Variants in TMEM163 observed in about 807,000 individuals in gnomAD.
TMEM163 encodes transmembrane protein 163.
In TMEM163, 17 loss-of-function variants were observed where a neutral mutation model predicts 29.3. The observed-to-expected ratio is 0.58, with a 90% confidence interval of 0.40 to 0.87. The LOEUF is 0.87. Among genes scored for constraint, TMEM163 ranks in the 40% least tolerant of loss-of-function variants. TMEM163 has a pLI of 0.00. For missense variants in TMEM163, 303 were observed against 381.5 expected (o/e 0.79, Z 1.71); for synonymous variants, 157 against 160.6 (o/e 0.98, Z 0.17).
intron 2 of TMEM163, among the ~76,000 whole-genome samples, chr2:134,622,951 G>A (rs1682773782): frequency 6.6e-6 from 1 of 151,958 alleles, no homozygotes; most frequent in Non-Finnish European, 1.5e-5. Context: ...TTTCAGTAGA[G>A]GTGGGATTTC....
chr2:134,674,293 C>G (rs1684056850), intron 2 of TMEM163, among the ~76,000 whole-genome samples: 1 of 151,086 alleles, frequency 6.6e-6, no homozygotes, highest in South Asian at 2.1e-4. Flanking sequence ...ACACTCATCT[C>G]TGGAGGGTAG....
At chr2:134,559,638 T>C (rs1681123071) in intron 2 of TMEM163, among the ~76,000 whole-genome samples, 1 of 152,106 alleles carries the variant, frequency 6.6e-6, no homozygotes. Flanking sequence ...GGGATGATCA[T>C]GGGTCTCTCT....
At chr2:134,523,868 T>A (rs1680237765) in intron 4 of TMEM163, among the ~76,000 whole-genome samples, 1 of 152,212 alleles carries the variant, frequency 6.6e-6, no homozygotes, top group African/African-American at 2.4e-5. Context: ...AGGGGATACT[T>A]GGCACTTTCT....
intron 2 of TMEM163, among the ~76,000 whole-genome samples, chr2:134,670,603 C>G (rs1271684606): frequency 1.3e-5 from 2 of 152,218 alleles, no homozygotes; most frequent in Non-Finnish European, 2.9e-5. Context: ...ATCAAATTCA[C>G]TGAGAGCTGC....
chr2:134,701,191 TAGAA>T (rs1684695769), intron 2 of TMEM163, among the ~76,000 whole-genome samples: 1 of 151,036 alleles, frequency 6.6e-6, no homozygotes, highest in South Asian at 2.1e-4. Flanking sequence ...CCATAAAAAT[TAGAA>T]AGAAATCAGA....
At chr2:134,561,270 C>CT (rs1681175075) in intron 2 of TMEM163, among the ~76,000 whole-genome samples, 2 of 152,246 alleles carry the variant, frequency 1.3e-5, no homozygotes, top group Non-Finnish European at 2.9e-5. Flanking sequence ...GTGACGCCAT[C>CT]TTGGCTCACT....
intron 4 of TMEM163, among the ~76,000 whole-genome samples, chr2:134,546,832 A>G (rs1476519955): frequency 6.6e-6 from 1 of 152,106 alleles, no homozygotes; most frequent in African/African-American, 2.4e-5. Context: ...AATAAAATAA[A>G]TAAAAAAGAT....
chr2:134,566,489 G>A (rs1446611593), intron 2 of TMEM163, among the ~76,000 whole-genome samples: 1 of 152,116 alleles, frequency 6.6e-6, no homozygotes, highest in East Asian at 1.9e-4. Flanking sequence ...CTTGAACCAG[G>A]GAGGTGGAGC....
intron 2 of TMEM163, among the ~76,000 whole-genome samples, chr2:134,592,596 C>T (rs1182958609): frequency 6.6e-6 from 1 of 151,982 alleles, no homozygotes; most frequent in African/African-American, 2.4e-5. Context: ...TATAACAAGG[C>T]GTGTGCTCCC....
intron 4 of TMEM163, among the ~76,000 whole-genome samples, chr2:134,507,874 GACAC>G (rs912058277): frequency 3.3e-5 from 5 of 149,800 alleles, no homozygotes; most frequent in African/African-American, 9.8e-5. Flanking sequence ...CACACACACA[GACAC>G]ACACACACAC....
intron 4 of TMEM163, among the ~76,000 whole-genome samples, chr2:134,508,074 T>G (rs906353352): frequency 2.6e-5 from 4 of 152,226 alleles, no homozygotes; most frequent in African/African-American, 9.7e-5. Context: ...CAAAACCTAC[T>G]GACAGACACT....
intron 4 of TMEM163, among the ~76,000 whole-genome samples, chr2:134,525,585 T>C (rs980441305): frequency 4.6e-5 from 7 of 152,188 alleles, no homozygotes; most frequent in African/African-American, 1.4e-4. Context: ...CCTAATGAAG[T>C]AGACATTTTG....
At chr2:134,622,930 A>ATTTTT (rs1335399355) in intron 2 of TMEM163, among the ~76,000 whole-genome samples, 2 of 151,978 alleles carry the variant, frequency 1.3e-5, no homozygotes, top group Non-Finnish European at 2.9e-5. Context: ...ACCCAGCTAA[A>ATTTTT]TTTTTTGTAT....
rs527506053 is a variant in TMEM163, at chr2:134,563,710, G to C, written c.323-11619C>G. On this transcript the variant is annotated intron_variant, in intron 2 of 7. Coordinates refer to ENST00000281924, the MANE Select transcript of TMEM163 (RefSeq NM_030923.5). The stretch of plus-strand genomic sequence containing the variant: ...ATTAAAATCCTAGCAGGTGGTGACA[G>C]AATTGATAAGATGAAGCCAGAGTTC... Among the ~76,000 whole-genome samples, 6 of 152,326 alleles carry C rather than the reference G, an allele frequency of 3.9e-5. No individual in the cohort carries two copies. The South Asian group carries it at 1.2e-3, about 32-fold the overall frequency.
chr2:134,683,680 A>G (rs1344236485), intron 2 of TMEM163, among the ~76,000 whole-genome samples: 1 of 152,200 alleles, frequency 6.6e-6, no homozygotes, highest in African/African-American at 2.4e-5. Context: ...TGTCTCCACC[A>G]CAGACCCTGG....
At chr2:134,667,340 C>G (rs1683891747) in intron 2 of TMEM163, among the ~76,000 whole-genome samples, 1 of 152,238 alleles carries the variant, frequency 6.6e-6, no homozygotes, top group African/African-American at 2.4e-5. Flanking sequence ...CCAATGGGAT[C>G]TGAGTGCAAA....
intron 5 of TMEM163, among the ~76,000 whole-genome samples, chr2:134,484,723 C>T (rs142677481): frequency 6.6e-6 from 1 of 152,156 alleles, no homozygotes; most frequent in Non-Finnish European, 1.5e-5. Context: ...AATGTTAAAT[C>T]TTGATCTAAC....
intron 2 of TMEM163, among the ~76,000 whole-genome samples, chr2:134,628,643 T>C (rs958171033): frequency 1.3e-5 from 2 of 152,262 alleles, no homozygotes; most frequent in East Asian, 1.9e-4. Flanking sequence ...GCATGTGTTG[T>C]CACACATCAT....
chr2:134,638,895 T>C (rs1324080854), intron 2 of TMEM163, among the ~76,000 whole-genome samples: 1 of 152,134 alleles, frequency 6.6e-6, no homozygotes, highest in Non-Finnish European at 1.5e-5. Flanking sequence ...TAGATGTTTT[T>C]AACAGTGGCT....
Sources: gnomAD v4.1 joint callset for allele counts (sites outside exome capture counted in the v4.1 genomes callset) on GRCh38, gnomAD v4.1.1 for gene constraint, MANE v1.5 for transcripts, NCBI Gene and HGNC (gene_info 2026-07-23, HGNC 2026-07-21) for gene names.